Variants in DLGAP2 observed in about 807,000 individuals in gnomAD.
DLGAP2 encodes the protein DLG associated protein 2.
Under a neutral mutation model 100.3 loss-of-function variants are expected in DLGAP2, and 26 were observed. The observed-to-expected ratio is 0.26, with a 90% CI of 0.19 to 0.36. The LOEUF is 0.36. Among genes scored for constraint, DLGAP2 ranks in the 10% least tolerant of loss-of-function variants. The probability of loss-of-function intolerance (pLI) is 1.00; values close to 1 mark genes in which losing one functional copy is unlikely to be tolerated. For synonymous variants in DLGAP2, 886 were observed against 630.1 expected, an observed-to-expected ratio of 1.41 and a Z score of -6.08; for missense variants, 1,858 against 1,453.2, an observed-to-expected ratio of 1.28 and a Z score of -4.53.
At chr8:1,571,729 G>T (rs1478113637) in intron 6 of DLGAP2, among the ~76,000 whole-genome samples, 2 of 127,216 alleles carry the variant, frequency 1.6e-5, no homozygotes, top group African/African-American at 6.1e-5. Flanking sequence ...GGGGGCGTCT[G>T]ATGAGATGGA....
At chr8:888,874 G>T (rs1044909485) in intron 1 of DLGAP2, among the ~76,000 whole-genome samples, 1 of 152,126 alleles carries the variant, frequency 6.6e-6, no homozygotes, top group African/African-American at 2.4e-5. Flanking sequence ...CGAGGAGCAG[G>T]TTTCATGCTT....
chr8:855,951 A>C (rs1029378243), intron 1 of DLGAP2, among the ~76,000 whole-genome samples: 1 of 152,170 alleles, frequency 6.6e-6, no homozygotes, highest in Non-Finnish European at 1.5e-5. Flanking sequence ...GTTCTTACTA[A>C]ATGATGAGAA....
In DLGAP2 at chr8:1,120,545, C is replaced by G. The variant is rs377660456; in HGVS notation, c.74-138306C>G. Among the ~76,000 whole-genome samples the G allele has an allele frequency of 5.6e-4, 85 of 152,230 alleles. 1 individual carries two copies. In the South Asian group the frequency reaches 0.017, roughly 30 times the overall value. ...GCTACCCAGCTGCCCATCTTCATCC[C>G]CTCAGAACCGATGACCACCCATCCT... On this transcript the variant is annotated intron_variant, in intron 2 of 14. Transcript: ENST00000637795.
chr8:1,622,043 G>T (rs932816437), intron 6 of DLGAP2: 1 of 152,248 alleles, frequency 6.6e-6, no homozygotes, highest in Non-Finnish European at 1.5e-5. Context: ...CATTAATTGT[G>T]ATATTATTTG....
intron 7 of DLGAP2, among the ~76,000 whole-genome samples, chr8:1,631,608 C>A (rs1182113894): frequency 6.6e-6 from 1 of 152,172 alleles, no homozygotes; most frequent in Non-Finnish European, 1.5e-5. Flanking sequence ...ATCCTCAGAC[C>A]TTTCTGAAAA....
intron 3 of DLGAP2, among the ~76,000 whole-genome samples, chr8:1,466,217 C>G (rs1287160883): frequency 6.6e-6 from 1 of 152,124 alleles, no homozygotes; most frequent in Non-Finnish European, 1.5e-5. Flanking sequence ...AAATATTAGA[C>G]TCTTTACTAA....
chr8:1,049,247 C>T (rs1264453362), intron 2 of DLGAP2, among the ~76,000 whole-genome samples: 2 of 152,048 alleles, frequency 1.3e-5, no homozygotes, highest in South Asian at 2.1e-4. Context: ...TTTATGCAAA[C>T]GGGGGAAATG....
chr8:1,324,718 G>T (rs1417823713), intron 3 of DLGAP2, among the ~76,000 whole-genome samples: 2 of 152,138 alleles, frequency 1.3e-5, no homozygotes, highest in Non-Finnish European at 2.9e-5. Context: ...AACTGTTGAG[G>T]ACTTAACATA....
At chr8:1,294,426 C>A (rs1239456174) in intron 3 of DLGAP2, among the ~76,000 whole-genome samples, 2 of 152,252 alleles carry the variant, frequency 1.3e-5, no homozygotes, top group South Asian at 2.1e-4. Context: ...TTATTTTCCC[C>A]ATTTTTCTGA....
At chr8:1,534,221 G>C (rs1801078945) in intron 4 of DLGAP2, among the ~76,000 whole-genome samples, 1 of 152,128 alleles carries the variant, frequency 6.6e-6, no homozygotes, top group Non-Finnish European at 1.5e-5. Context: ...AAGATATTTG[G>C]GAAACAATTA....
intron 3 of DLGAP2, among the ~76,000 whole-genome samples, chr8:1,271,602 T>G (rs1799585636): frequency 6.6e-6 from 1 of 152,102 alleles, no homozygotes; most frequent in African/African-American, 2.4e-5. Flanking sequence ...ACAGCAATGG[T>G]TGTACTCTAA....
Position 1,276,020 on chromosome 8 carries a change from TATAA to T in DLGAP2, c.106+17145_106+17148del, listed in dbSNP as rs1009291567. Among the ~76,000 whole-genome samples, 80 of 132,730 alleles carry T rather than the reference TATAA, an allele frequency of 6.0e-4. 1 individual carries two copies. Among genetic ancestry groups the T allele is most frequent in the Middle Eastern group, 3.8e-3 (1 of 264 alleles). The allele number at this position is 132,730 out of a possible 152,430, so 87.1% of individuals were successfully genotyped here. Reference sequence around the variant, plus strand: ...GTAATATATAAATAGATATAGAATATATAAATAAATATATAACGTATAAAAATAT... The same window carrying T: ...GTAATATATAAATAGATATAGAATATATAAATATATAACGTATAAAAATAT... On this transcript the variant is annotated intron_variant, in intron 3 of 14. Transcript: ENST00000637795.
intron 4 of DLGAP2, among the ~76,000 whole-genome samples, chr8:1,520,155 T>G (rs963627298): frequency 3.3e-5 from 5 of 152,290 alleles, no homozygotes; most frequent in African/African-American, 9.6e-5. Flanking sequence ...ATGTTAGTGA[T>G]TATCTGACGA....
chr8:1,573,932 C>T (rs1009424220), intron 6 of DLGAP2, among the ~76,000 whole-genome samples: 2 of 152,188 alleles, frequency 1.3e-5, no homozygotes, highest in South Asian at 2.1e-4. Context: ...TCATAAGTGG[C>T]GTAGGTAACT....
At chr8:1,346,720 T>C (rs1171728636) in intron 3 of DLGAP2, among the ~76,000 whole-genome samples, 1 of 131,216 alleles carries the variant, frequency 7.6e-6, no homozygotes, top group African/African-American at 2.9e-5. Flanking sequence ...GGAGGTTGAG[T>C]TCTCATACAG....
chr8:806,275 T>A (rs959307518), intron 1 of DLGAP2, among the ~76,000 whole-genome samples: 1 of 152,134 alleles, frequency 6.6e-6, no homozygotes, highest in East Asian at 1.9e-4. Context: ...GCCTCACAGT[T>A]GTCATGGCGC....
chr8:1,644,360 C>T (rs1047550511), intron 8 of DLGAP2, among the ~76,000 whole-genome samples: 1 of 152,232 alleles, frequency 6.6e-6, no homozygotes, highest in African/African-American at 2.4e-5. Flanking sequence ...AGTGACCCGG[C>T]CCCACCAGAC....
intron 8 of DLGAP2, among the ~76,000 whole-genome samples, chr8:1,651,991 GCTCGTTTCTGCAAGCCCCA>G (rs1798177676): frequency 6.6e-6 from 1 of 152,178 alleles, no homozygotes; most frequent in South Asian, 2.1e-4. Flanking sequence ...CACCTACACA[GCTCGTTTCTGCAAGCCCCA>G]CTTGCCCAGT....
chr8:1,577,296 C>T (rs538051291), intron 6 of DLGAP2, among the ~76,000 whole-genome samples: 23 of 152,236 alleles, frequency 1.5e-4, no homozygotes, highest in African/African-American at 4.3e-4. Flanking sequence ...GGGCTGGGCG[C>T]GGTGGCTCAT....
Sources: allele counts gnomAD v4.1 joint callset (sites outside exome capture counted in the v4.1 genomes callset), GRCh38; gene constraint gnomAD v4.1.1; transcripts MANE v1.5; gene names NCBI Gene and HGNC (gene_info 2026-07-23, HGNC 2026-07-21).